Variants in ELAC2 observed in about 807,000 individuals in gnomAD.
The protein encoded by ELAC2 is elaC ribonuclease Z 2, also known as zinc phosphodiesterase ELAC protein 2.
In ELAC2, 92 loss-of-function variants were observed where a neutral mutation model predicts 105.2. The observed-to-expected ratio is 0.87, with a 90% confidence interval of 0.74 to 1.04. The LOEUF is 1.04. ELAC2 is among the 50% of genes least tolerant of loss of function. The probability of loss-of-function intolerance (pLI) is 0.00; values close to 1 mark genes in which losing one functional copy is unlikely to be tolerated. For missense variants in ELAC2, 1,099 were observed against 1,071.7 expected (o/e 1.03, Z -0.36); for synonymous variants, 468 against 409.1 (o/e 1.14, Z -1.74).
chr17:12,998,073 A>G (rs906723375), intron 16 of ELAC2, among the ~76,000 whole-genome samples: 2 of 152,220 alleles, frequency 1.3e-5, no homozygotes, highest in Non-Finnish European at 2.9e-5. Flanking sequence ...TCTGAATATC[A>G]GGTCACTCAT....
chr17:13,011,583 T>G, intron 7 of ELAC2, 80 bp downstream of exon 7: 2 of 1,609,656 alleles, frequency 1.2e-6, no homozygotes, highest in Non-Finnish European at 1.7e-6. Flanking sequence ...CTTACAATAA[T>G]GACTCTCTAC....
At position 13,013,258 on chromosome 17, in the gene ELAC2, C is replaced by T; in HGVS notation, c.508G>A (p.Ala170Thr). The change falls in exon 6 of 24, where the codon GCC becomes ACC. Residue 170 changes from alanine to threonine, a missense_variant. Transcript: ENST00000338034. ...ATGGTTTCATCCTCGTATTCTGGGG[C>T]AGAGTGGGGCCGCACAGCTACAAGA... ...GIELAVRPHSAPEYEDETMTV... is the reference protein window; with the variant it reads ...GIELAVRPHSTPEYEDETMTV... 1 of 1,614,106 alleles carries T rather than the reference C, an allele frequency of 6.2e-7. No homozygotes were observed. The highest frequency in any genetic ancestry group is 8.5e-7 in the Non-Finnish European group (1 of 1,180,036).
Position 13,016,842 on chromosome 17 carries a change from A to C in ELAC2, c.367+20T>G. 6.2e-7 allele frequency: 1 copy of C among 1,613,278 alleles called. No individual in the cohort carries two copies. Among genetic ancestry groups the C allele is most frequent in the Non-Finnish European group, 8.5e-7 (1 of 1,179,416 alleles). ...CAGAGACTTCCCACCAGCCTCTGAC[A>C]CTGCAAAGAATATACTCACCACTTA... On this transcript the variant is annotated intron_variant, in intron 3 of 23. Transcript: ENST00000338034.
At position 13,002,373 on chromosome 17, in the gene ELAC2, A is replaced by G; in HGVS notation, c.1219-14T>C. ...GGGGCCCTCCTTCTGAAAGAGACAA[A>G]ACACATTCATGGAGAGAAAGAGAGG... On this transcript the variant is annotated splice_polypyrimidine_tract_variant and intron_variant, in intron 13 of 23. Coordinates refer to ENST00000338034, the MANE Select transcript of ELAC2 (RefSeq NM_018127.7). 6.2e-7 allele frequency: 1 copy of G among 1,614,180 alleles called. No homozygotes were observed. The highest frequency in any genetic ancestry group is 1.6e-4 in the Middle Eastern group (1 of 6,062).
chr17:13,000,522 T>C (rs1326948140), intron 14 of ELAC2: 2 of 519,892 alleles, frequency 3.8e-6, no homozygotes, highest in Non-Finnish European at 7.1e-6. Flanking sequence ...TTTTTTTCTG[T>C]GGCCAGTGCT....
At chr17:12,999,454 G>A (rs972053783) in intron 15 of ELAC2, among the ~76,000 whole-genome samples, 1 of 152,222 alleles carries the variant, frequency 6.6e-6, no homozygotes, top group Non-Finnish European at 1.5e-5. Context: ...GCCTGTGCCC[G>A]GCCCTCAGCC....
chr17:13,007,205 AG>A (rs770162446), intron 8 of ELAC2, among the ~76,000 whole-genome samples: 36 of 152,062 alleles, frequency 2.4e-4, no homozygotes, highest in South Asian at 2.1e-4. Context: ...ATCATTTTAT[AG>A]GAAAAAAAAA....
chr17:13,010,999 T>G (rs75919289), intron 7 of ELAC2, among the ~76,000 whole-genome samples: 1 of 152,164 alleles, frequency 6.6e-6, no homozygotes, highest in African/African-American at 2.4e-5. Context: ...ACACATATAA[T>G]ATATGAAATA....
At chr17:13,017,221 A>AGAAAAAAAAATTAAAAGACC in intron 1 of ELAC2, 100 bp from the exon 2 acceptor site, 1 of 1,241,968 alleles carries the variant, frequency 8.1e-7, no homozygotes, top group Admixed American at 1.9e-5. Context: ...AAAAAAAAAA[A>AGAAAAAAAAATTAAAAGACC]GAAAAAAAAA....
At position 12,992,224 on chromosome 17, in the gene ELAC2, C is replaced by T. The variant is rs1032227699; in HGVS notation, c.*594G>A. 2.0e-5 allele frequency among the ~76,000 whole-genome samples: 3 copies of T among 152,136 alleles called. No homozygotes were observed. The highest frequency in any genetic ancestry group is 4.4e-5 in the Non-Finnish European group (3 of 68,032). ...AAAGACTTGGCGAATAAGGGTGGCTCTCTGAGGACAGGTTCCAGAGGTGCT... is the reference window on the plus strand; with the variant it reads ...AAAGACTTGGCGAATAAGGGTGGCTTTCTGAGGACAGGTTCCAGAGGTGCT... On this transcript the variant is annotated 3_prime_UTR_variant, in exon 24 of 24. Coordinates refer to ENST00000338034, the MANE Select transcript of ELAC2 (RefSeq NM_018127.7).
chr17:13,005,154 T>C, intron 10 of ELAC2, 53 bp from the exon 11 acceptor site: 1 of 1,297,052 alleles, frequency 7.7e-7, no homozygotes, highest in South Asian at 1.2e-5. Flanking sequence ...GCCACCAAAC[T>C]GAACTGCCTT....
chr17:12,996,356 A>T, intron 17 of ELAC2, 191 bp downstream of exon 17: 1 of 809,372 alleles, frequency 1.2e-6, no homozygotes, highest in Non-Finnish European at 2.0e-6. Flanking sequence ...GGAACTGAAC[A>T]GGAAGAGAAG....
chr17:13,014,127 A>C (rs1222781561), intron 5 of ELAC2, among the ~76,000 whole-genome samples: 1 of 152,076 alleles, frequency 6.6e-6, no homozygotes, highest in African/African-American at 2.4e-5. Flanking sequence ...CCCCGTCTCT[A>C]CTAAAAATAC....
chr17:13,002,685 G>A (rs1331335626), intron 12 of ELAC2, 106 bp from the exon 13 acceptor site: 52 of 1,522,712 alleles, frequency 3.4e-5, no homozygotes, highest in South Asian at 1.2e-5. Flanking sequence ...TGTTCAAACA[G>A]TTCAGTGACT....
Position 12,996,703 on chromosome 17 carries a change from A to AAG in ELAC2, c.1521-20_1521-19dup, listed in dbSNP as rs757248505. 6.2e-7 allele frequency: 1 copy of AAG among 1,611,460 alleles called. No individual in the cohort carries two copies. Among genetic ancestry groups the AAG allele is most frequent in the Non-Finnish European group, 8.5e-7 (1 of 1,179,298 alleles). On this transcript the variant is annotated intron_variant, in intron 16 of 23. Transcript: ENST00000338034. The stretch of plus-strand genomic sequence containing the variant: ...TGTCGGGGCTGCAGAAGAGAAGAGG[A>AAG]AGAGAGTCACTGCCACTAGGAAGAC...
intron 12 of ELAC2, 181 bp from the exon 13 acceptor site, chr17:13,002,760 T>G: frequency 1.1e-6 from 1 of 946,140 alleles, no homozygotes; most frequent in Non-Finnish European, 1.6e-6. Context: ...AAGCCCGGTG[T>G]TCCCTAGCTC....
In ELAC2 at chr17:12,992,148, T is replaced by TTGATTGA. The variant is rs199905488; in HGVS notation, c.*669_*670insTCAATCA. ...TTGATTTGATTGATTGATTGATTGA[T>TTGATTGA]TGATAGAGAAAGCACGCCCTGCTGT... On this transcript the variant is annotated 3_prime_UTR_variant, in exon 24 of 24. Transcript: ENST00000338034. Among the ~76,000 whole-genome samples the TTGATTGA allele has an allele frequency of 6.0e-5, 8 of 133,296 alleles. No individual in the cohort carries two copies. The highest frequency in any genetic ancestry group is 2.3e-4 in the South Asian group (1 of 4,356). 87.4% of individuals were successfully genotyped at this position (133,296 alleles called of 152,430 possible).
At chr17:13,009,276 T>C (rs1033320395) in intron 8 of ELAC2, among the ~76,000 whole-genome samples, 5 of 152,214 alleles carry the variant, frequency 3.3e-5, no homozygotes, top group Non-Finnish European at 7.3e-5. Context: ...TTGTAGCTTT[T>C]AGAATTTAGA....
chr17:12,997,886 A>G, intron 16 of ELAC2, among the ~76,000 whole-genome samples: 1 of 152,210 alleles, frequency 6.6e-6, no homozygotes, highest in Non-Finnish European at 1.5e-5. Context: ...ACTAAAAAAC[A>G]TGTCAAGGGG....
Sources: gnomAD v4.1 joint callset for allele counts (sites outside exome capture counted in the v4.1 genomes callset) on GRCh38, gnomAD v4.1.1 for gene constraint, MANE v1.5 for transcripts, NCBI Gene and HGNC (gene_info 2026-07-23, HGNC 2026-07-21) for gene names.